Variants in RIN3 observed in about 807,000 individuals in gnomAD.
RIN3 encodes the protein RAB5 interacting protein 3.
Under a neutral mutation model 76.3 loss-of-function variants are expected in RIN3, and 54 were observed. The observed-to-expected ratio is 0.71, with a 90% CI of 0.57 to 0.89. The LOEUF (loss-of-function observed/expected upper bound fraction) is 0.89, where lower values mean the gene tolerates loss of function less well. RIN3 is among the 40% of genes least tolerant of loss of function. The probability of loss-of-function intolerance (pLI) is 0.00; values close to 1 mark genes in which losing one functional copy is unlikely to be tolerated. For missense variants in RIN3, 1,256 were observed against 1,322.1 expected, an observed-to-expected ratio of 0.95 and a Z score of 0.78; for synonymous variants, 576 against 564.0, an observed-to-expected ratio of 1.02 and a Z score of -0.30.
Position 92,652,962 on chromosome 14 carries a change from C to T in RIN3, c.1913C>T (p.Thr638Met), listed in dbSNP as rs143827583. ...LEMMARQTSS[T>M]EMLQEIRTMM... ...ATGATGGCGCGCCAGACCTCCAGCA[C>T]GGAGATGCTGCAGGAGATTCGCACC... Residue 638 changes from threonine to methionine, a missense_variant, in exon 6 of 10, where the codon ACG becomes ATG. Transcript: ENST00000216487. The surrounding 1 kb of genome is among the most constrained non-coding windows in gnomAD (Gnocchi z 6.4). 417 of 1,613,734 alleles carry T rather than the reference C, an allele frequency of 2.6e-4. No homozygotes were observed. The highest frequency in any genetic ancestry group is 3.2e-4 in the Non-Finnish European group (376 of 1,180,032).
chr14:92,598,860 A>G (rs985165547), intron 3 of RIN3, among the ~76,000 whole-genome samples: 1 of 152,182 alleles, frequency 6.6e-6, no homozygotes, highest in African/African-American at 2.4e-5. Context: ...CTGCAGTCAG[A>G]GGAAGGACCC....
At chr14:92,517,777 C>T (rs1896481471) in intron 1 of RIN3, among the ~76,000 whole-genome samples, 1 of 152,170 alleles carries the variant, frequency 6.6e-6, no homozygotes, top group Non-Finnish European at 1.5e-5. Context: ...TAATGACTTC[C>T]AAACTGGATC....
At position 92,513,988 on chromosome 14, in the gene RIN3, C is replaced by T. The variant is rs1250091745; in HGVS notation, c.44+12C>T. The T allele has an allele frequency of 7.3e-6, 9 of 1,235,504 alleles. No individual in the cohort carries two copies. In the African/African-American group the frequency reaches 1.1e-4, roughly 15 times the overall value. 76.5% of individuals were successfully genotyped at this position (1,235,504 alleles called of 1,614,324 possible). A position where few individuals can be genotyped will look rare whatever the true frequency, so the allele number is the denominator to read the frequency against. On this transcript the variant is annotated intron_variant, in intron 1 of 9. Transcript: ENST00000216487. ...GGGGACCCCACGGGGTAAGTCCGGGCGGCCGCCCCCTCCTCCCTCGCGATC... is the reference window on the plus strand; with the variant it reads ...GGGGACCCCACGGGGTAAGTCCGGGTGGCCGCCCCCTCCTCCCTCGCGATC...
chr14:92,638,214 A>T (rs1350554513), intron 4 of RIN3, among the ~76,000 whole-genome samples: 1 of 152,174 alleles, frequency 6.6e-6, no homozygotes, highest in African/African-American at 2.4e-5. Flanking sequence ...ATAGAATCTA[A>T]GTAGATGTAG....
chr14:92,640,302 A>G (rs1265999780), intron 4 of RIN3, among the ~76,000 whole-genome samples: 4 of 94,232 alleles, frequency 4.2e-5, no homozygotes, highest in African/African-American at 1.3e-4. Context: ...CTGTGTGTTC[A>G]TCGGGGGCTG....
At chr14:92,517,881 G>A (rs1357391361) in intron 1 of RIN3, among the ~76,000 whole-genome samples, 4 of 152,192 alleles carry the variant, frequency 2.6e-5, no homozygotes, top group African/African-American at 9.7e-5. Context: ...GGAAAGTGGT[G>A]TGTCCCCCAA....
intron 1 of RIN3, among the ~76,000 whole-genome samples, chr14:92,553,554 C>T (rs1334277598): frequency 6.6e-6 from 1 of 152,106 alleles, no homozygotes; most frequent in Non-Finnish European, 1.5e-5. Flanking sequence ...CCCGCCCCCA[C>T]CAGCCCCAGG....
chr14:92,566,486 G>A (rs768379194), intron 2 of RIN3, among the ~76,000 whole-genome samples: 1 of 152,192 alleles, frequency 6.6e-6, no homozygotes, highest in African/African-American at 2.4e-5. Flanking sequence ...AGGAAAGGGG[G>A]TGAATGGCCA....
chr14:92,574,297 G>A lies in RIN3; in HGVS notation c.250-3063G>A, dbSNP rs555563657. 3.9e-5 allele frequency among the ~76,000 whole-genome samples: 6 copies of A among 152,342 alleles called. No homozygotes were observed. In the South Asian group the frequency reaches 8.3e-4, roughly 21 times the overall value. On this transcript the variant is annotated intron_variant, in intron 2 of 9. Transcript: ENST00000216487. ...AGAGTACCAGAGATTGGCTGGACAG[G>A]TGTGCCATTTGCATTGCATGCAAAG...
intron 2 of RIN3, among the ~76,000 whole-genome samples, chr14:92,574,846 C>T (rs2140056079): frequency 6.6e-6 from 1 of 152,248 alleles, no homozygotes; most frequent in East Asian, 1.9e-4. Context: ...GATCTTAAGC[C>T]TCAGGGCCAC....
At position 92,685,148 on chromosome 14, in the gene RIN3, C is replaced by G; in HGVS notation, c.2629C>G (p.Gln877Glu). Reference protein sequence around the residue: ...NKARASRSSVQDFICVSYLEP... With the variant: ...NKARASRSSVEDFICVSYLEP... ...GGCCCGGGCCTCCCGCTCCTCCGTA[C>G]AGGTGAGGCCTGAGAGCGGGAGGGG... Residue 877 changes from glutamine to glutamate, a missense_variant and splice_region_variant, in exon 9 of 10, where the codon CAG becomes GAG. By Grantham distance (29) the Gln-to-Glu change is conservative. This residue lies in a region of RIN3 where 218 missense variants were observed against 174.5 expected (regional missense o/e 1.25). Transcript: ENST00000216487. The surrounding 1 kb of genome is among the most constrained non-coding windows in gnomAD (Gnocchi z 4.7). 6.2e-7 allele frequency: 1 copy of G among 1,603,730 alleles called. No homozygotes were observed. Among genetic ancestry groups the G allele is most frequent in the East Asian group, 2.2e-5 (1 of 44,486 alleles).
chr14:92,593,158 ATAATT>A (rs1319956352), intron 3 of RIN3, among the ~76,000 whole-genome samples: 1 of 152,212 alleles, frequency 6.6e-6, no homozygotes, highest in Non-Finnish European at 1.5e-5. Context: ...ACTAAAAAAA[ATAATT>A]TAAAAAGAAG....
At chr14:92,528,193 A>G (rs903340651) in intron 1 of RIN3, among the ~76,000 whole-genome samples, 1 of 152,192 alleles carries the variant, frequency 6.6e-6, no homozygotes, top group African/African-American at 2.4e-5. Context: ...GGAGCCTGGC[A>G]GGAGATGGGT....
chr14:92,672,066 G>T (rs1289025403), intron 7 of RIN3, among the ~76,000 whole-genome samples: 1 of 152,162 alleles, frequency 6.6e-6, no homozygotes, highest in Non-Finnish European at 1.5e-5. Flanking sequence ...TTTATTTGGG[G>T]TGGCCCTATC....
chr14:92,552,853 G>A (rs925402476), intron 1 of RIN3, among the ~76,000 whole-genome samples: 19 of 151,800 alleles, frequency 1.3e-4, no homozygotes, highest in East Asian at 3.9e-4. Flanking sequence ...TGTAAATACC[G>A]TGAAGGTTTT....
chr14:92,592,391 ACT>A (rs765941823), intron 3 of RIN3, among the ~76,000 whole-genome samples: 2 of 132,034 alleles, frequency 1.5e-5, no homozygotes, highest in South Asian at 2.6e-4. Context: ...ACAGAGTGAG[ACT>A]CTGTCTCAAA....
chr14:92,641,381 G>C (rs1222574961), intron 5 of RIN3, 52 bp downstream of exon 5: 3 of 1,408,646 alleles, frequency 2.1e-6, no homozygotes, highest in Middle Eastern at 1.8e-4. Context: ...AGGAACTGGG[G>C]CCCTAGGACT....
At chr14:92,554,145 A>G (rs1340059738) in intron 1 of RIN3, among the ~76,000 whole-genome samples, 1 of 152,116 alleles carries the variant, frequency 6.6e-6, no homozygotes, top group Admixed American at 6.5e-5. Context: ...TCACCCCTGC[A>G]GGTACCTTGA....
In RIN3 at chr14:92,688,319, CCGACCG is replaced by C; in HGVS notation, c.*72_*77del. 1 of 1,392,508 alleles carries C rather than the reference CCGACCG, an allele frequency of 7.2e-7. No homozygotes were observed. The allele number at this position is 1,392,508 out of a possible 1,614,324, so 86.3% of individuals were successfully genotyped here. ...TGGCCCCGCCTCTGGCTGCGCACTCCCGACCGCGACGTCCACGCAGCAGAGGGACAT... is the reference window on the plus strand; with the variant it reads ...TGGCCCCGCCTCTGGCTGCGCACTCCCGACGTCCACGCAGCAGAGGGACAT... On this transcript the variant is annotated 3_prime_UTR_variant, in exon 10 of 10. Transcript: ENST00000216487.
Sources: gnomAD v4.1 joint callset for allele counts (sites outside exome capture counted in the v4.1 genomes callset) on GRCh38, gnomAD v4.1.1 for gene constraint, gnomAD v4.1.1 regional missense constraint, Gnocchi (gnomAD v3.1) non-coding constraint, MANE v1.5 for transcripts, NCBI Gene and HGNC (gene_info 2026-07-23, HGNC 2026-07-21) for gene names.